ATRNL1: variants seen among roughly 807,000 people sequenced by gnomAD.
ATRNL1 encodes attractin like 1.
A neutral mutation model predicts 182.7 loss-of-function variants in ATRNL1; 95 were observed. The observed-to-expected ratio is 0.52, with a 90% CI of 0.44 to 0.62. The LOEUF (loss-of-function observed/expected upper bound fraction) is 0.62. ATRNL1 is among the 20% of genes least tolerant of loss of function. The probability of loss-of-function intolerance (pLI) is 0.00; values close to 1 mark genes in which losing one functional copy is unlikely to be tolerated. For missense variants in ATRNL1, 1,471 were observed against 1,679.5 expected (o/e 0.88, Z 2.17); for synonymous variants, 576 against 568.3 (o/e 1.01, Z -0.19).
chr10:115,540,277 G>A lies in ATRNL1; in HGVS notation c.3717-9181G>A, dbSNP rs148402576. Among the ~76,000 whole-genome samples, 40 of 152,090 alleles carry A rather than the reference G, an allele frequency of 2.6e-4. No individual in the cohort carries two copies. In the East Asian group the frequency reaches 6.2e-3, roughly 24 times the overall value. On this transcript the variant is annotated intron_variant, in intron 25 of 28. Transcript: ENST00000355044. ...GCTCATAGATAGAACTCTGCTTTGG[G>A]CCCGGACTGAACAGTGGGTAGCCCT...
At chr10:115,527,808 CCCTT>C (rs1170837051) in intron 25 of ATRNL1, among the ~76,000 whole-genome samples, 84 of 102,898 alleles carry the variant, frequency 8.2e-4, no homozygotes, top group African/African-American at 2.3e-3. Context: ...TTCCCTCCCT[CCCTT>C]CCTTCCTTCC....
At chr10:115,845,357 C>G (rs1555098439) in intron 27 of ATRNL1, among the ~76,000 whole-genome samples, 2 of 151,998 alleles carry the variant, frequency 1.3e-5, no homozygotes, top group African/African-American at 4.8e-5. Context: ...ATAGAAGTAG[C>G]TTTTATGCAG....
At chr10:115,300,369 T>A in intron 16 of ATRNL1, 122 bp downstream of exon 16, 1 of 702,478 alleles carries the variant, frequency 1.4e-6, no homozygotes, top group Non-Finnish European at 2.3e-6. Flanking sequence ...TTTATACACA[T>A]TCTTCCCCAC....
chr10:115,709,364 A>C (rs782120735), intron 26 of ATRNL1, among the ~76,000 whole-genome samples: 2 of 151,960 alleles, frequency 1.3e-5, no homozygotes, highest in Non-Finnish European at 2.9e-5. Context: ...ATGAAGAGCA[A>C]ATATAGTGAA....
chr10:115,921,112 G>A lies in ATRNL1; in HGVS notation c.4019-23546G>A, dbSNP rs528796272. ...AGACATTTTTGGAGTTTCACGAAAG[G>A]AGGTCCCTGAAGAATAGAAGATGGT... On this transcript the variant is annotated intron_variant, in intron 28 of 28. Coordinates refer to ENST00000355044, the MANE Select transcript of ATRNL1 (RefSeq NM_207303.4). Among the ~76,000 whole-genome samples, 5 of 152,246 alleles carry A rather than the reference G, an allele frequency of 3.3e-5. No homozygotes were observed. The East Asian group carries it at 9.7e-4, about 29-fold the overall frequency.
chr10:115,592,761 G>C (rs1855988219), intron 26 of ATRNL1, among the ~76,000 whole-genome samples: 1 of 152,118 alleles, frequency 6.6e-6, no homozygotes, highest in South Asian at 2.1e-4. Context: ...TATCCAGGAT[G>C]GTGGCACTTT....
chr10:115,619,774 T>C (rs191872495), intron 26 of ATRNL1, among the ~76,000 whole-genome samples: 3 of 152,336 alleles, frequency 2.0e-5, no homozygotes, highest in African/African-American at 7.2e-5. Flanking sequence ...AAAGTTTCTC[T>C]GATTTGTATT....
Position 115,655,448 on chromosome 10 carries a change from G to A in ATRNL1, c.3796-71800G>A, listed in dbSNP as rs373497915. 5.3e-5 allele frequency among the ~76,000 whole-genome samples: 8 copies of A among 152,102 alleles called. No homozygotes were observed. In the East Asian group the frequency reaches 1.4e-3, roughly 26 times the overall value. On this transcript the variant is annotated intron_variant, in intron 26 of 28. Coordinates refer to ENST00000355044, the MANE Select transcript of ATRNL1 (RefSeq NM_207303.4). ...TTATTTTTTCTTCATAGATCGACAT[G>A]AACAAAGTTTGAAGGACCCTAAGGA... is the stretch of plus-strand genomic sequence containing the variant.
chr10:115,582,451 A>G (rs1855179294), intron 26 of ATRNL1, among the ~76,000 whole-genome samples: 1 of 134,556 alleles, frequency 7.4e-6, no homozygotes, highest in South Asian at 2.9e-4. Flanking sequence ...CTGGTGTGAG[A>G]TGGTATCTCA....
At chr10:115,801,320 A>T (rs782153306) in intron 27 of ATRNL1, among the ~76,000 whole-genome samples, 16 of 152,078 alleles carry the variant, frequency 1.1e-4, no homozygotes, top group Non-Finnish European at 1.9e-4. Context: ...TCTTTATTCC[A>T]CTTAAGGTGG....
rs747465783 is a variant in ATRNL1, at chr10:115,497,976, A to G, written c.3655-21287A>G. ...TGGCCTACTGCACTTTTTAAAAATCATCAAAGCATGAAATTATCTATGAGT... is the reference window on the plus strand; with the variant it reads ...TGGCCTACTGCACTTTTTAAAAATCGTCAAAGCATGAAATTATCTATGAGT... On this transcript the variant is annotated intron_variant, in intron 24 of 28. Transcript: ENST00000355044. Among the ~76,000 whole-genome samples the G allele has an allele frequency of 7.9e-5, 12 of 152,156 alleles. 1 individual carries two copies. Among genetic ancestry groups the G allele is most frequent in the Non-Finnish European group, 1.5e-4 (10 of 68,028 alleles).
At chr10:115,616,204 C>T (rs782738983) in intron 26 of ATRNL1, among the ~76,000 whole-genome samples, 3 of 152,114 alleles carry the variant, frequency 2.0e-5, no homozygotes, top group African/African-American at 4.8e-5. Flanking sequence ...TATTGTTGCC[C>T]TAGTGATCTG....
intron 27 of ATRNL1, among the ~76,000 whole-genome samples, chr10:115,730,152 G>C (rs1490678815): frequency 2.7e-5 from 4 of 147,754 alleles, no homozygotes; most frequent in Admixed American, 1.4e-4. Context: ...AGTTACTCTG[G>C]AATATGAGGC....
intron 24 of ATRNL1, among the ~76,000 whole-genome samples, chr10:115,485,022 A>T (rs1195783168): frequency 6.6e-6 from 1 of 151,916 alleles, no homozygotes; most frequent in African/African-American, 2.4e-5. Flanking sequence ...TCACTTGATC[A>T]TGGTCTGTTT....
At chr10:115,650,273 C>CGTATG (rs1310199219) in intron 26 of ATRNL1, among the ~76,000 whole-genome samples, 1 of 152,044 alleles carries the variant, frequency 6.6e-6, no homozygotes, top group Non-Finnish European at 1.5e-5. Context: ...GAAATCTCAG[C>CGTATG]GTATGCAGAG....
intron 9 of ATRNL1, among the ~76,000 whole-genome samples, chr10:115,230,870 TGAGAGAGAGAGAGAGAGAGA>T (rs1169884107): frequency 0.31 from 26,250 of 84,526 alleles, 3,327 homozygotes; most frequent in Middle Eastern, 0.43. Context: ...ATAGAGTGGA[TGAGAGAGAGAGAGAGAGAGA>T]GAGAGAGAGA....
At chr10:115,492,618 T>G (rs1849354693) in intron 24 of ATRNL1, among the ~76,000 whole-genome samples, 2 of 147,320 alleles carry the variant, frequency 1.4e-5, no homozygotes, top group Non-Finnish European at 3.0e-5. Context: ...TTCATTTCTT[T>G]TAATTCTTTC....
chr10:115,112,499 C>T (rs1554868426), intron 1 of ATRNL1, among the ~76,000 whole-genome samples: 13 of 152,100 alleles, frequency 8.5e-5, no homozygotes. Context: ...AAGTTTGAGG[C>T]ACTAAGGAGG....
intron 18 of ATRNL1, among the ~76,000 whole-genome samples, chr10:115,322,862 G>A (rs1251842346): frequency 6.6e-6 from 1 of 151,836 alleles, no homozygotes; most frequent in Non-Finnish European, 1.5e-5. Flanking sequence ...TAATCTTATT[G>A]GGCTTTTTTG....
Sources: gnomAD v4.1 joint callset for allele counts (sites outside exome capture counted in the v4.1 genomes callset) on GRCh38, gnomAD v4.1.1 for gene constraint, MANE v1.5 for transcripts, NCBI Gene and HGNC (gene_info 2026-07-23, HGNC 2026-07-21) for gene names.